Variants in IQCH observed in about 807,000 individuals in gnomAD.
The protein encoded by IQCH is IQ motif containing H.
Under a neutral mutation model 117.0 loss-of-function variants are expected in IQCH, and 98 were observed. The observed-to-expected ratio is 0.84, with a 90% CI of 0.71 to 0.99. IQCH has a LOEUF of 0.99. IQCH is among the 50% of genes least tolerant of loss of function. IQCH has a pLI of 0.00. For synonymous variants in IQCH, 412 were observed against 448.2 expected, an observed-to-expected ratio of 0.92 and a Z score of 1.02; for missense variants, 1,102 against 1,243.8, an observed-to-expected ratio of 0.89 and a Z score of 1.72.
intron 14 of IQCH, 67 bp downstream of exon 14, chr15:67,400,372 C>G (rs1971607437): frequency 8.4e-7 from 1 of 1,192,822 alleles, no homozygotes; most frequent in Non-Finnish European, 1.2e-6. Flanking sequence ...GCAAAAAGTT[C>G]AGCTAAGAGA....
chr15:67,382,080 G>A (rs1010047200), intron 10 of IQCH, among the ~76,000 whole-genome samples: 1 of 152,148 alleles, frequency 6.6e-6, no homozygotes, highest in Non-Finnish European at 1.5e-5. Flanking sequence ...CTCTAACATA[G>A]CTAAGAGTCT....
At chr15:67,298,793 G>A (rs1488269648) in intron 4 of IQCH, among the ~76,000 whole-genome samples, 2 of 152,076 alleles carry the variant, frequency 1.3e-5, no homozygotes, top group Non-Finnish European at 2.9e-5. Context: ...ATGAACCCGG[G>A]AGGCAGAGGT....
intron 6 of IQCH, among the ~76,000 whole-genome samples, chr15:67,353,403 A>G (rs1969754057): frequency 6.6e-6 from 1 of 151,436 alleles, no homozygotes; most frequent in African/African-American, 2.4e-5. Flanking sequence ...TCTGTAGCAC[A>G]AGCTGGAGTG....
Position 67,381,259 on chromosome 15 carries a change from G to A in IQCH, c.1373-3677G>A, listed in dbSNP as rs905603688. 6.6e-6 allele frequency among the ~76,000 whole-genome samples: 1 copy of A among 152,242 alleles called. No individual in the cohort carries two copies. The highest frequency in any genetic ancestry group is 2.4e-5 in the African/African-American group (1 of 41,472). On this transcript the variant is annotated intron_variant, in intron 10 of 20. Transcript: ENST00000335894. The surrounding 1 kb of genome is among the most constrained non-coding windows in gnomAD (Gnocchi z 5.1). The stretch of plus-strand genomic sequence containing the variant: ...ACTGGGAAAGGCTGTGAAGGTAGAA[G>A]TGAAGATGGAGAAATGATTGCCAGT...
chr15:67,423,622 G>T (rs2081807070), intron 16 of IQCH, among the ~76,000 whole-genome samples: 1 of 151,032 alleles, frequency 6.6e-6, no homozygotes. Context: ...AGAAAAAAAG[G>T]CTGGGCACGG....
chr15:67,312,390 G>A (rs758335710), intron 4 of IQCH, among the ~76,000 whole-genome samples: 3 of 152,076 alleles, frequency 2.0e-5, no homozygotes, highest in Admixed American at 6.6e-5. Context: ...AGGGGTTCAC[G>A]ACGTCCCAAA....
chr15:67,443,301 T>G lies in IQCH; in HGVS notation c.2505+21724T>G, dbSNP rs931160142. On this transcript the variant is annotated intron_variant, in intron 16 of 20. Coordinates refer to ENST00000335894, the MANE Select transcript of IQCH (RefSeq NM_001031715.3). The surrounding 1 kb of genome is among the most constrained non-coding windows in gnomAD (Gnocchi z 5.0). ...GCCACTGCGCCCAGCCTGGAGACTGTTATTCTAAGTGAAGTAACTCAGGAA... is the reference window on the plus strand; with the variant it reads ...GCCACTGCGCCCAGCCTGGAGACTGGTATTCTAAGTGAAGTAACTCAGGAA... Among the ~76,000 whole-genome samples, 2 of 152,322 alleles carry G rather than the reference T, an allele frequency of 1.3e-5. No homozygotes were observed. The highest frequency in any genetic ancestry group is 4.8e-5 in the African/African-American group (2 of 41,580).
At chr15:67,477,523 TC>T (rs1388613283) in intron 18 of IQCH, among the ~76,000 whole-genome samples, 1 of 152,112 alleles carries the variant, frequency 6.6e-6, no homozygotes, top group Non-Finnish European at 1.5e-5. Context: ...GGAGCTTGGA[TC>T]CCCTTGCAAA....
At chr15:67,446,879 G>A (rs148979854) in intron 16 of IQCH, among the ~76,000 whole-genome samples, 356 of 152,256 alleles carry the variant, frequency 2.3e-3, no homozygotes, top group African/African-American at 8.0e-3. Context: ...TGACTTGCCC[G>A]AAGTCCCACG....
Position 67,445,955 on chromosome 15 carries a change from C to T in IQCH, c.2506-19172C>T, listed in dbSNP as rs899102440. ...ACCACCAAGGAGGACAACTGTGTTC[C>T]CCTGCAGCTTTTCCCCAGAATTGGA... On this transcript the variant is annotated intron_variant, in intron 16 of 20. Coordinates refer to ENST00000335894, the MANE Select transcript of IQCH (RefSeq NM_001031715.3). The surrounding 1 kb of genome is among the most constrained non-coding windows in gnomAD (Gnocchi z 4.3). Among the ~76,000 whole-genome samples the T allele has an allele frequency of 6.6e-6, 1 of 152,134 alleles. No individual in the cohort carries two copies. Among genetic ancestry groups the T allele is most frequent in the Non-Finnish European group, 1.5e-5 (1 of 68,026 alleles).
rs2081357023 is a variant in IQCH at position 67,408,214 on chromosome 15, C to G, written c.2097+7909C>G. 6.6e-6 allele frequency: 1 copy of G among 152,276 alleles called. No homozygotes were observed. Among genetic ancestry groups the G allele is most frequent in the Non-Finnish European group, 1.5e-5 (1 of 68,078 alleles). The allele number at this position is 152,276 out of a possible 1,614,324, so 9.4% of individuals were successfully genotyped here. On this transcript the variant is annotated intron_variant, in intron 14 of 20. Transcript: ENST00000335894. This position sits in a 1 kb window ranked among gnomAD's most constrained non-coding sequence, Gnocchi z 4.2. ...TAGTGTTCTCACATCCAGGAAGTCC[C>G]TGTTGGAGGTCTTTTGGAAAGGTCC...
chr15:67,279,583 T>G (rs940207702), intron 4 of IQCH, 71 bp downstream of exon 4: 141 of 805,098 alleles, frequency 1.8e-4, no homozygotes, highest in Non-Finnish European at 2.6e-4. Flanking sequence ...GAGCAGAGAC[T>G]AGGAGTGACT....
chr15:67,336,866 T>G, intron 4 of IQCH, 109 bp from the exon 5 acceptor site: 1 of 1,073,622 alleles, frequency 9.3e-7, no homozygotes, highest in Non-Finnish European at 1.3e-6. Flanking sequence ...TATTGCTACT[T>G]TATTAAAACT....
intron 20 of IQCH, among the ~76,000 whole-genome samples, chr15:67,497,938 T>C (rs2083868396): frequency 6.6e-6 from 1 of 152,212 alleles, no homozygotes; most frequent in African/African-American, 2.4e-5. Context: ...CATTCCCAAA[T>C]TGATCTATAG....
chr15:67,448,203 A>C (rs964113313), intron 16 of IQCH, among the ~76,000 whole-genome samples: 1 of 152,036 alleles, frequency 6.6e-6, no homozygotes, highest in African/African-American at 2.4e-5. Flanking sequence ...GAGATACCAT[A>C]TACCATAAAA....
At chr15:67,434,153 G>A (rs1258043034) in intron 16 of IQCH, among the ~76,000 whole-genome samples, 1 of 152,012 alleles carries the variant, frequency 6.6e-6, no homozygotes, top group Non-Finnish European at 1.5e-5. Flanking sequence ...ATTAACTATA[G>A]TCACCATGCT....
intron 8 of IQCH, among the ~76,000 whole-genome samples, chr15:67,363,141 T>A (rs1469876468): frequency 6.7e-6 from 1 of 149,956 alleles, no homozygotes; most frequent in Non-Finnish European, 1.5e-5. Context: ...TAACTTACCA[T>A]CTTAAAGGAA....
intron 4 of IQCH, among the ~76,000 whole-genome samples, chr15:67,334,406 C>CAT (rs1968802182): frequency 6.6e-6 from 1 of 152,164 alleles, no homozygotes; most frequent in Non-Finnish European, 1.5e-5. Flanking sequence ...ACTCCAGTCA[C>CAT]ATAGAGCTCC....
At chr15:67,285,096 T>G (rs1366787023) in intron 4 of IQCH, among the ~76,000 whole-genome samples, 2 of 152,242 alleles carry the variant, frequency 1.3e-5, no homozygotes, top group African/African-American at 4.8e-5. Flanking sequence ...CATTCCTATT[T>G]CTCTGCAACC....
Sources: allele counts gnomAD v4.1 joint callset (sites outside exome capture counted in the v4.1 genomes callset), GRCh38; gene constraint gnomAD v4.1.1; non-coding constraint Gnocchi (gnomAD v3.1); transcripts MANE v1.5; gene names NCBI Gene and HGNC (gene_info 2026-07-23, HGNC 2026-07-21).